FAM168B: variants seen among roughly 807,000 people sequenced by gnomAD.
The protein encoded by FAM168B is family with sequence similarity 168 member B.
FAM168B carries 19 observed loss-of-function variants against 21.8 expected under a neutral mutation model. That is an observed-to-expected ratio of 0.87 (90% CI 0.61 to 1.28). The LOEUF (loss-of-function observed/expected upper bound fraction) is 1.28, where lower values mean the gene tolerates loss of function less well. FAM168B is among the 50% of genes most tolerant of loss of function. The pLI is 0.00. For synonymous variants in FAM168B, 126 were observed against 104.8 expected (o/e 1.20, Z -1.24); for missense variants, 233 against 263.1 (o/e 0.89, Z 0.79).
At chr2:131,070,490 G>GT (rs1692817569) in intron 3 of FAM168B, among the ~76,000 whole-genome samples, 1 of 152,160 alleles carries the variant, frequency 6.6e-6, no homozygotes, top group Non-Finnish European at 1.5e-5. Flanking sequence ...CAGTTTGGCA[G>GT]TTTCTCACAA....
chr2:131,089,806 G>A (rs1397322328), intron 1 of FAM168B, among the ~76,000 whole-genome samples: 1 of 151,986 alleles, frequency 6.6e-6, no homozygotes, highest in Non-Finnish European at 1.5e-5. Flanking sequence ...GGCCAAGGTG[G>A]GCAGATCACG....
chr2:131,092,485 T>C (rs1694082737), intron 1 of FAM168B, among the ~76,000 whole-genome samples: 2 of 152,332 alleles, frequency 1.3e-5, no homozygotes, highest in South Asian at 4.1e-4. Flanking sequence ...AAGGATGACC[T>C]GAAAGTTTAA....
intron 3 of FAM168B, among the ~76,000 whole-genome samples, chr2:131,062,944 G>A (rs925392357): frequency 6.6e-6 from 1 of 152,206 alleles, no homozygotes; most frequent in Non-Finnish European, 1.5e-5. Context: ...GCATGCTCAA[G>A]TTATTGAGGT....
chr2:131,062,886 A>G (rs147295915), intron 3 of FAM168B, among the ~76,000 whole-genome samples: 1 of 152,356 alleles, frequency 6.6e-6, no homozygotes, highest in African/African-American at 2.4e-5. Flanking sequence ...ACACATGCAC[A>G]TTTTACTTAA....
At chr2:131,063,493 G>A (rs756091718) in intron 3 of FAM168B, among the ~76,000 whole-genome samples, 1 of 152,214 alleles carries the variant, frequency 6.6e-6, no homozygotes, top group Non-Finnish European at 1.5e-5. Context: ...AAGACTTAGT[G>A]TGGGGCCAAG....
At chr2:131,090,485 G>A (rs1007165061) in intron 1 of FAM168B, among the ~76,000 whole-genome samples, 2 of 152,092 alleles carry the variant, frequency 1.3e-5, no homozygotes, top group Non-Finnish European at 2.9e-5. Flanking sequence ...ATTTTAAGAG[G>A]TTTAGATTCA....
At chr2:131,075,885 G>C (rs1693130375) in intron 2 of FAM168B, among the ~76,000 whole-genome samples, 1 of 152,170 alleles carries the variant, frequency 6.6e-6, no homozygotes, top group Admixed American at 6.5e-5. Context: ...GCAACAAGAT[G>C]CACTACATAC....
In FAM168B at chr2:131,051,868, G is replaced by T. The variant is rs1033426363; in HGVS notation, c.*597C>A. On this transcript the variant is annotated 3_prime_UTR_variant, in exon 7 of 7. Transcript: ENST00000389915. ...GCTTCCCTACTCTCTCCCAAACCTC[G>T]CAACTCCCTCCCAGGACAGTCAGTG... The T allele has an allele frequency of 1.0e-6, 1 of 985,346 alleles. No homozygotes were observed. The highest frequency in any genetic ancestry group is 1.7e-5 in the African/African-American group (1 of 57,312). 61.0% of individuals were successfully genotyped at this position (985,346 alleles called of 1,614,324 possible). A position where few individuals can be genotyped will look rare whatever the true frequency, so the allele number is the denominator to read the frequency against.
chr2:131,078,574 C>A (rs1382332593), intron 2 of FAM168B, among the ~76,000 whole-genome samples: 1 of 152,108 alleles, frequency 6.6e-6, no homozygotes, highest in African/African-American at 2.4e-5. Context: ...GAACACTATG[C>A]AAGGTAAATA....
Position 131,071,689 on chromosome 2 carries a change from T to G in FAM168B, c.154+166A>C, listed in dbSNP as rs546803355. Among the ~76,000 whole-genome samples the G allele has an allele frequency of 3.3e-5, 5 of 152,300 alleles. No homozygotes were observed. In the East Asian group the frequency reaches 9.7e-4, roughly 29 times the overall value. The stretch of plus-strand genomic sequence containing the variant: ...AGAAACACAGTATATAAAGCTTCAG[T>G]GCAGTAAGAATTAAGCTTTTGTTGC... On this transcript the variant is annotated intron_variant, in intron 3 of 6. Transcript: ENST00000389915.
At position 131,081,222 on chromosome 2, in the gene FAM168B, A is replaced by C. The variant is rs372474254; in HGVS notation, c.70+1355T>G. ...TCTGATTCTTTCTTTTATATCTGCA[A>C]TTCTTCTAAACTTGGCTATGTGACA... On this transcript the variant is annotated intron_variant, in intron 2 of 6. Transcript: ENST00000389915. Among the ~76,000 whole-genome samples, 58 of 152,110 alleles carry C rather than the reference A, an allele frequency of 3.8e-4. No homozygotes were observed. In the South Asian group the frequency reaches 0.012, roughly 30 times the overall value.
rs531367119 is a variant in FAM168B, at chr2:131,091,979, A to T, written c.-12+1235T>A. On this transcript the variant is annotated intron_variant, in intron 1 of 6. Transcript: ENST00000389915. Reference sequence around the variant, plus strand: ...CTCGTCTCTACTAAAAAAAAAAAAAAACAAATACAAAAAAATTAGCCAGGC... The same window carrying T: ...CTCGTCTCTACTAAAAAAAAAAAAATACAAATACAAAAAAATTAGCCAGGC... 1.3e-5 allele frequency among the ~76,000 whole-genome samples: 2 copies of T among 151,264 alleles called. 1 individual carries two copies. The highest frequency in any genetic ancestry group is 4.2e-4 in the South Asian group (2 of 4,786).
rs185037132 is a variant in FAM168B at position 131,091,788 on chromosome 2, A to G, written c.-12+1426T>C. Among the ~76,000 whole-genome samples the G allele has an allele frequency of 9.7e-4, 147 of 152,084 alleles. 2 individuals carry two copies. Among genetic ancestry groups the G allele is most frequent in the Admixed American group, 4.1e-3 (62 of 15,264 alleles). ...CAGACAGACTTAACAGACTGGACAC[A>G]AGGCATGAAAAAACTATTACTCTAT... is the stretch of plus-strand genomic sequence containing the variant. On this transcript the variant is annotated intron_variant, in intron 1 of 6. Coordinates refer to ENST00000389915, the MANE Select transcript of FAM168B (RefSeq NM_001009993.4).
At position 131,049,590 on chromosome 2, in the gene FAM168B, A is replaced by C; in HGVS notation, c.*2875T>G. 1 of 985,484 alleles carries C rather than the reference A, an allele frequency of 1.0e-6. No homozygotes were observed. The highest frequency in any genetic ancestry group is 1.2e-6 in the Non-Finnish European group (1 of 829,942). The allele number at this position is 985,484 out of a possible 1,614,324, so 61.0% of individuals were successfully genotyped here. ...CAAACAAGACCTCCATGAGCAGAGA[A>C]ACTGCAGCGGCTGAACACACTCCCC... On this transcript the variant is annotated 3_prime_UTR_variant, in exon 7 of 7. Coordinates refer to ENST00000389915, the MANE Select transcript of FAM168B (RefSeq NM_001009993.4).
chr2:131,089,595 C>G (rs765454250), intron 1 of FAM168B, among the ~76,000 whole-genome samples: 3 of 151,158 alleles, frequency 2.0e-5, no homozygotes, highest in Non-Finnish European at 4.4e-5. Flanking sequence ...GAAAATTAGC[C>G]ACTCACAACT....
intron 5 of FAM168B, among the ~76,000 whole-genome samples, chr2:131,054,654 G>T (rs1046738873): frequency 6.6e-6 from 1 of 152,184 alleles, no homozygotes; most frequent in Non-Finnish European, 1.5e-5. Flanking sequence ...AATCCACATG[G>T]GTGGTCATAC....
Position 131,050,679 on chromosome 2 carries a change from A to C in FAM168B, c.*1786T>G. ...AAAAAGAAAATTATAAGAAGTACTT[A>C]CTATAAAAAATAAGGTTACCAAAGG... On this transcript the variant is annotated 3_prime_UTR_variant, in exon 7 of 7. Coordinates refer to ENST00000389915, the MANE Select transcript of FAM168B (RefSeq NM_001009993.4). The C allele has an allele frequency of 1.0e-6, 1 of 985,240 alleles. No individual in the cohort carries two copies. Among genetic ancestry groups the C allele is most frequent in the Non-Finnish European group, 1.2e-6 (1 of 829,686 alleles). The allele number at this position is 985,240 out of a possible 1,614,324, so 61.0% of individuals were successfully genotyped here.
rs1436566626 is a variant in FAM168B at position 131,055,766 on chromosome 2, G to T, written c.155-71C>A. On this transcript the variant is annotated intron_variant, in intron 3 of 6. Transcript: ENST00000389915. ...GGCGCAGGGAGAGGACACAGGCAGG[G>T]AGGAGCTAAGCTGCGTGTCAGCCCC... The T allele has an allele frequency of 3.2e-6, 5 of 1,556,948 alleles. No homozygotes were observed. The African/African-American group carries it at 6.8e-5, about 21-fold the overall frequency.
chr2:131,070,429 C>G (rs1252480096), intron 3 of FAM168B, among the ~76,000 whole-genome samples: 1 of 152,216 alleles, frequency 6.6e-6, no homozygotes, highest in African/African-American at 2.4e-5. Context: ...GGAACGACAA[C>G]TCACAAACAC....
Sources: allele counts gnomAD v4.1 joint callset (sites outside exome capture counted in the v4.1 genomes callset), GRCh38; gene constraint gnomAD v4.1.1; transcripts MANE v1.5; gene names NCBI Gene and HGNC (gene_info 2026-07-23, HGNC 2026-07-21).